The following PDE4DIP variants were observed in gnomAD, a reference collection of about 807,000 sequenced individuals.
PDE4DIP encodes the protein myomegalin.
In PDE4DIP, 59 loss-of-function variants were observed where a neutral mutation model predicts 221.4. The ratio of observed to expected loss-of-function variants is 0.27; its 90% CI spans 0.22 to 0.33. The LOEUF (loss-of-function observed/expected upper bound fraction) is 0.33, where lower values mean the gene tolerates loss of function less well. Ranked by LOEUF, PDE4DIP falls within the 10% of genes least tolerant of loss-of-function variation. The probability of loss-of-function intolerance (pLI) is 1.00; values close to 1 mark genes in which losing one functional copy is unlikely to be tolerated. For synonymous variants in PDE4DIP, 404 were observed against 815.9 expected (o/e 0.50, Z 8.60); for missense variants, 1,036 against 2,154.2 (o/e 0.48, Z 10.28).
At chr1:148,927,048 G>GT (rs2046873701) in intron 1 of PDE4DIP, among the ~76,000 whole-genome samples, 1 of 148,492 alleles carries the variant, frequency 6.7e-6, no homozygotes, top group South Asian at 2.2e-4. Flanking sequence ...ATGTTTTAGC[G>GT]TTTAAGTTAT....
intron 21 of PDE4DIP, chr1:148,989,445 A>G (rs1281835084): frequency 3.7e-6 from 2 of 535,290 alleles, no homozygotes; most frequent in Admixed American, 6.1e-5. Flanking sequence ...TTATCCAAGA[A>G]TGCAGACGTG....
intron 37 of PDE4DIP, among the ~76,000 whole-genome samples, chr1:149,023,952 G>A (rs1352411606): frequency 8.8e-6 from 1 of 113,368 alleles, no homozygotes; most frequent in Non-Finnish European, 1.9e-5. Context: ...GAGAGAGAAA[G>A]AGAGAGAGAG....
intron 21 of PDE4DIP, chr1:148,985,116 C>A (rs1450082772): frequency 1.3e-5 from 2 of 152,130 alleles, no homozygotes; most frequent in Non-Finnish European, 2.9e-5. Context: ...AATTAGTTTT[C>A]TTTTCCAGGT....
At chr1:148,960,224 A>C (rs1553507332) in intron 5 of PDE4DIP, among the ~76,000 whole-genome samples, 2 of 152,278 alleles carry the variant, frequency 1.3e-5, no homozygotes, top group Non-Finnish European at 2.9e-5. Context: ...TGAAACAAGC[A>C]TGTTGTAAGA....
At chr1:148,927,788 C>T (rs1223021243) in intron 1 of PDE4DIP, among the ~76,000 whole-genome samples, 2 of 152,176 alleles carry the variant, frequency 1.3e-5, no homozygotes, top group South Asian at 2.1e-4. Context: ...TGCATGCTAA[C>T]GTTTAAGCTG....
At chr1:148,989,833 C>G (rs1307692726) in intron 21 of PDE4DIP, among the ~76,000 whole-genome samples, 2 of 152,130 alleles carry the variant, frequency 1.3e-5, no homozygotes, top group African/African-American at 4.8e-5. Context: ...TGTGGGTGTC[C>G]TAGGTAAATT....
At chr1:148,824,434 C>A (rs1380205363) in intron 1 of PDE4DIP, among the ~76,000 whole-genome samples, 1 of 138,806 alleles carries the variant, frequency 7.2e-6, no homozygotes, top group Admixed American at 7.2e-5. Context: ...AATCTAATCT[C>A]GGAAGCAACA....
At chr1:148,821,182 A>G (rs1553360567) in intron 1 of PDE4DIP, among the ~76,000 whole-genome samples, 1 of 147,502 alleles carries the variant, frequency 6.8e-6, no homozygotes, top group Non-Finnish European at 1.5e-5. Context: ...GCCAGAACCA[A>G]TCGGCCCCTT....
intron 13 of PDE4DIP, 79 bp from the exon 17 acceptor site, chr1:148,968,757 A>C: frequency 1.4e-6 from 1 of 736,220 alleles, no homozygotes; most frequent in South Asian, 1.8e-5. Flanking sequence ...TTCTTCTATG[A>C]TAGATTCTTA....
intron 1 of PDE4DIP, among the ~76,000 whole-genome samples, chr1:148,915,306 C>A (rs1469909545): frequency 2.0e-5 from 3 of 152,264 alleles, no homozygotes; most frequent in Non-Finnish European, 4.4e-5. Flanking sequence ...CACCACCACA[C>A]CTGGCTAATT....
chr1:148,933,778 A>G lies in PDE4DIP; in HGVS notation c.518+1490A>G, dbSNP rs512570. On this transcript the variant is annotated intron_variant, in intron 4 of 43. Transcript: ENST00000369354. ...AGATAAGATCCATACTCCTAATGTG[A>G]CCATCAAAGCCTTTTATGATGTAAC... Among the ~76,000 whole-genome samples the G allele has an allele frequency of 6.9e-3, 1,040 of 149,748 alleles. 11 individuals are homozygous for G. Among genetic ancestry groups the G allele is most frequent in the Middle Eastern group, 0.024 (7 of 288 alleles).
At chr1:148,961,546 C>T (rs1553509975) in intron 6 of PDE4DIP, among the ~76,000 whole-genome samples, 1 of 152,164 alleles carries the variant, frequency 6.6e-6, no homozygotes, top group Non-Finnish European at 1.5e-5. Context: ...ATATTAGAAA[C>T]CACTTGCCTA....
intron 9 of PDE4DIP, among the ~76,000 whole-genome samples, chr1:148,964,243 G>C (rs2057715859): frequency 6.6e-6 from 1 of 151,638 alleles, no homozygotes; most frequent in Non-Finnish European, 1.5e-5. Context: ...CTGGTAGCTG[G>C]GATTACAGGC....
chr1:148,877,095 C>T (rs1432637006), intron 3 of PDE4DIP, among the ~76,000 whole-genome samples: 1 of 147,038 alleles, frequency 6.8e-6, no homozygotes, highest in African/African-American at 2.7e-5. Flanking sequence ...AATATTAGTA[C>T]TCAAGGTGAG....
chr1:149,028,229 A>T (rs11484543), intron 40 of PDE4DIP, among the ~76,000 whole-genome samples: 43 of 150,514 alleles, frequency 2.9e-4, no homozygotes, highest in African/African-American at 9.6e-4. Flanking sequence ...AAGCACAGTA[A>T]GGGGCTACAG....
At position 149,023,779 on chromosome 1, in the gene PDE4DIP, TACATATATATGTACATGTATATGTGTGC is replaced by T. The variant is rs2074088065; in HGVS notation, c.6086-628_6086-601del. 1.9e-4 allele frequency among the ~76,000 whole-genome samples: 7 copies of T among 37,432 alleles called. No individual in the cohort carries two copies. In the South Asian group the frequency reaches 3.0e-3, roughly 16 times the overall value. 24.6% of individuals were successfully genotyped at this position (37,432 alleles called of 152,430 possible). A position where few individuals can be genotyped will look rare whatever the true frequency, so the allele number is the denominator to read the frequency against. On this transcript the variant is annotated intron_variant, in intron 37 of 43. Transcript: ENST00000369354. ...ATATATATGTACATGTATATGTGTG[TACATATATATGTACATGTATATGTGTGC>T]ACATATATATGTACATGTATATGTG...
chr1:148,952,388 G>A, intron 5 of PDE4DIP: 3 of 1,078,616 alleles, frequency 2.8e-6, no homozygotes, highest in Non-Finnish European at 1.1e-6. Context: ...CTCCATCCCC[G>A]AGGCTTTGCG....
intron 5 of PDE4DIP, among the ~76,000 whole-genome samples, chr1:148,958,064 C>T (rs1245813501): frequency 6.8e-6 from 1 of 146,566 alleles, no homozygotes; most frequent in Non-Finnish European, 1.5e-5. Context: ...GGTTACTTTG[C>T]CCATGGTGTG....
chr1:148,824,280 G>C (rs1281023840), intron 1 of PDE4DIP, among the ~76,000 whole-genome samples: 2 of 149,460 alleles, frequency 1.3e-5, no homozygotes, highest in Non-Finnish European at 3.0e-5. Context: ...CACGCACACG[G>C]TATTTGGCAG....
Sources: gnomAD v4.1 joint callset for allele counts (sites outside exome capture counted in the v4.1 genomes callset) on GRCh38, gnomAD v4.1.1 for gene constraint, MANE v1.5 for transcripts, NCBI Gene and HGNC (gene_info 2026-07-23, HGNC 2026-07-21) for gene names.